Variants in ALDH6A1 observed in about 807,000 individuals in gnomAD.
ALDH6A1 encodes the protein aldehyde dehydrogenase 6 family member A1, also known as methylmalonate-semialdehyde/malonate-semialdehyde dehydrogenase [acylating], mitochondrial.
ALDH6A1 carries 43 observed loss-of-function variants against 62.6 expected under a neutral mutation model. The ratio of observed to expected loss-of-function variants is 0.69; its 90% CI spans 0.54 to 0.89. The LOEUF is 0.89. ALDH6A1 is among the 40% of genes least tolerant of loss of function. The probability of loss-of-function intolerance (pLI) is 0.00; values close to 1 mark genes in which losing one functional copy is unlikely to be tolerated. For synonymous variants in ALDH6A1, 194 were observed against 234.2 expected (o/e 0.83, Z 1.57); for missense variants, 551 against 661.3 (o/e 0.83, Z 1.83).
In ALDH6A1 at chr14:74,084,383, T is replaced by C. The variant is rs754069309; in HGVS notation, c.12A>G (p.Leu4=). 1.2e-5 allele frequency: 20 copies of C among 1,613,388 alleles called. No individual in the cohort carries two copies. Among genetic ancestry groups the C allele is most frequent in the South Asian group, 3.3e-5 (3 of 91,062 alleles). ...GGGCTCGCACTGCCGCCGCCGCCAA[T>C]AGCGCCGCCATGGCTCTCGGCCGCC... MAA[L]LAAAAVRARI... is the part of the protein sequence containing the mutation. Residue 4 remains leucine (L), a synonymous_variant, in exon 1 of 12, where the codon CTA becomes CTG. Transcript: ENST00000553458.
chr14:74,084,268 C>T, intron 1 of ALDH6A1, 79 bp downstream of exon 1: 2 of 1,602,174 alleles, frequency 1.2e-6, no homozygotes, highest in Non-Finnish European at 1.7e-6. Context: ...AAGGTGGTCC[C>T]GCCCGAGGAT....
chr14:74,080,324 A>G (rs928604438), intron 1 of ALDH6A1, among the ~76,000 whole-genome samples: 4 of 151,260 alleles, frequency 2.6e-5, no homozygotes, highest in African/African-American at 9.7e-5. Context: ...ACCTTCCATA[A>G]TAGCTTCCTA....
Position 74,067,468 on chromosome 14 carries a change from C to T in ALDH6A1, c.954G>A (p.Met318Ile). The part of the protein sequence containing the change: ...AAFGAAGQRC[M>I]ALSTAVLVGE... ...CCACAAGGACTGCTGTTGAAAGAGCCATGCAGCGCTGACCAGCAGCTCCAA... is the reference window on the plus strand; with the variant it reads ...CCACAAGGACTGCTGTTGAAAGAGCTATGCAGCGCTGACCAGCAGCTCCAA... Residue 318 changes from methionine to isoleucine, a missense_variant, in exon 8 of 12, where the codon ATG becomes ATA. Met to Ile is a conservative substitution (Grantham distance 10, BLOSUM62 1). Coordinates refer to ENST00000553458, the MANE Select transcript of ALDH6A1 (RefSeq NM_005589.4). 3 of 1,614,192 alleles carry T rather than the reference C, an allele frequency of 1.9e-6. No homozygotes were observed. Among genetic ancestry groups the T allele is most frequent in the Non-Finnish European group, 2.5e-6 (3 of 1,180,046 alleles).
intron 9 of ALDH6A1, 127 bp downstream of exon 9, chr14:74,066,578 T>G: frequency 1.0e-6 from 1 of 998,480 alleles, no homozygotes; most frequent in South Asian, 1.4e-5. Context: ...GATAAAATAA[T>G]TGATCAATCC....
rs1286381783 is a variant in ALDH6A1, at chr14:74,067,391, C to G, written c.1031G>C (p.Arg344Thr). 2.5e-6 allele frequency: 4 copies of G among 1,613,304 alleles called. No homozygotes were observed. Among genetic ancestry groups the G allele is most frequent in the East Asian group, 2.2e-5 (1 of 44,902 alleles). Residue 344 changes from arginine to threonine, a missense_variant, in exon 8 of 12, where the codon AGA (arginine) becomes ACA (threonine). Coordinates refer to ENST00000553458, the MANE Select transcript of ALDH6A1 (RefSeq NM_005589.4). ...PELVEHAKNLRVNAGDQPGAD... is the reference protein window; with the variant it reads ...PELVEHAKNLTVNAGDQPGAD... ...AGGTGATTGATTACCTGCATTGACTCTCAGGTTTTTGGCATGCTCCACCAG... is the reference window on the plus strand; with the variant it reads ...AGGTGATTGATTACCTGCATTGACTGTCAGGTTTTTGGCATGCTCCACCAG...
In ALDH6A1 at chr14:74,067,406, T is replaced by G; in HGVS notation, c.1016A>C (p.His339Pro). The part of the protein sequence containing the change: ...AKKWLPELVE[H>P]AKNLRVNAGD... ...TGCATTGACTCTCAGGTTTTTGGCA[T>G]GCTCCACCAGCTCTGGCAGCCACTT... The change falls in exon 8 of 12, where the codon CAT becomes CCT. Residue 339 changes from histidine (H) to proline (P), a missense_variant. His to Pro is a moderately conservative substitution (Grantham distance 77). Transcript: ENST00000553458. 6.2e-7 allele frequency: 1 copy of G among 1,613,776 alleles called. No individual in the cohort carries two copies. Among genetic ancestry groups the G allele is most frequent in the East Asian group, 2.2e-5 (1 of 44,884 alleles).
intron 1 of ALDH6A1, among the ~76,000 whole-genome samples, chr14:74,080,290 T>A (rs138422480): frequency 6.6e-6 from 1 of 151,980 alleles, no homozygotes. Flanking sequence ...TATCCCAGTC[T>A]ATACCATCAT....
Position 74,060,249 on chromosome 14 carries a change from T to C in ALDH6A1, c.*393A>G, listed in dbSNP as rs1055785914. ...TCCTGGGCTCAAGCAATCTGCCCACTGTGGCCTCCCAAAATGATGGAATTA... is the reference window on the plus strand; with the variant it reads ...TCCTGGGCTCAAGCAATCTGCCCACCGTGGCCTCCCAAAATGATGGAATTA... On this transcript the variant is annotated 3_prime_UTR_variant, in exon 12 of 12. Transcript: ENST00000553458. 7 of 201,776 alleles carry C rather than the reference T, an allele frequency of 3.5e-5. No homozygotes were observed. Among genetic ancestry groups the C allele is most frequent in the African/African-American group, 1.6e-4 (7 of 43,378 alleles). The allele number at this position is 201,776 out of a possible 1,614,324, so 12.5% of individuals were successfully genotyped here. A position where few individuals can be genotyped will look rare whatever the true frequency, so the allele number is the denominator to read the frequency against.
At position 74,084,427 on chromosome 14, in the gene ALDH6A1, C is replaced by G. The variant is rs890834570; in HGVS notation, c.-33G>C. ...GGCCGCCCTAGCTCCGCACCCCGCG[C>G]CTCTACTGCCCAGAAGCACTACAGC... On this transcript the variant is annotated 5_prime_UTR_variant, in exon 1 of 12. Coordinates refer to ENST00000553458, the MANE Select transcript of ALDH6A1 (RefSeq NM_005589.4). The G allele has an allele frequency of 2.5e-6, 4 of 1,610,964 alleles. No individual in the cohort carries two copies. The highest frequency in any genetic ancestry group is 1.7e-5 in the Admixed American group (1 of 59,850).
At chr14:74,073,172 T>C (rs1008380197) in intron 2 of ALDH6A1, among the ~76,000 whole-genome samples, 4 of 152,100 alleles carry the variant, frequency 2.6e-5, no homozygotes, top group African/African-American at 4.8e-5. Context: ...AGTGTGATCA[T>C]GACTCACTGC....
Position 74,057,897 on chromosome 14 carries a change from G to A in ALDH6A1, c.*2745C>T, listed in dbSNP as rs2060253997. The stretch of plus-strand genomic sequence containing the variant: ...TTAGAGCATCACAGTTCTGATTAGT[G>A]TGTTTTTTTAGAAGTGATTTCCCTT... On this transcript the variant is annotated 3_prime_UTR_variant, in exon 12 of 12. Transcript: ENST00000553458. The A allele has an allele frequency of 1.0e-6, 1 of 996,624 alleles. No individual in the cohort carries two copies. Among genetic ancestry groups the A allele is most frequent in the Non-Finnish European group, 1.2e-6 (1 of 836,988 alleles). 61.7% of individuals were successfully genotyped at this position (996,624 alleles called of 1,614,324 possible).
At chr14:74,066,480 T>C (rs1047176294) in intron 9 of ALDH6A1, among the ~76,000 whole-genome samples, 2 of 152,174 alleles carry the variant, frequency 1.3e-5, no homozygotes, top group African/African-American at 2.4e-5. Context: ...GCTGGAAATA[T>C]CTATCCCTTT....
Position 74,059,589 on chromosome 14 carries a change from G to T in ALDH6A1, c.*1053C>A, listed in dbSNP as rs972788233. Reference sequence around the variant, plus strand: ...GCATGCCTGTAATCCCAGCTACTAGGGGGGCTGAGGCAGGAGAATCGCTTG... The same window carrying T: ...GCATGCCTGTAATCCCAGCTACTAGTGGGGCTGAGGCAGGAGAATCGCTTG... On this transcript the variant is annotated 3_prime_UTR_variant, in exon 12 of 12. Transcript: ENST00000553458. 4 of 265,742 alleles carry T rather than the reference G, an allele frequency of 1.5e-5. No individual in the cohort carries two copies. In the Admixed American group the frequency reaches 2.0e-4, roughly 13 times the overall value. 16.5% of individuals were successfully genotyped at this position (265,742 alleles called of 1,614,324 possible). A position where few individuals can be genotyped will look rare whatever the true frequency, so the allele number is the denominator to read the frequency against.
intron 11 of ALDH6A1, 132 bp downstream of exon 11, chr14:74,064,690 A>C: frequency 6.2e-7 from 1 of 1,614,082 alleles, no homozygotes; most frequent in Non-Finnish European, 8.5e-7. Context: ...TTTTTTAGGG[A>C]ACCTTCTGAG....
rs2060301068 is a variant in ALDH6A1, at chr14:74,059,804, A to T, written c.*838T>A. 1 of 155,462 alleles carries T rather than the reference A, an allele frequency of 6.4e-6. No homozygotes were observed. The highest frequency in any genetic ancestry group is 1.4e-5 in the Non-Finnish European group (1 of 70,358). The allele number at this position is 155,462 out of a possible 1,614,324, so 9.6% of individuals were successfully genotyped here. A position where few individuals can be genotyped will look rare whatever the true frequency, so the allele number is the denominator to read the frequency against. Reference sequence around the variant, plus strand: ...TTAGTACTTGGCACATATAACAAAAAGTTGATTTATCCATTGCTTACTGAG... The same window carrying T: ...TTAGTACTTGGCACATATAACAAAATGTTGATTTATCCATTGCTTACTGAG... On this transcript the variant is annotated 3_prime_UTR_variant, in exon 12 of 12. Coordinates refer to ENST00000553458, the MANE Select transcript of ALDH6A1 (RefSeq NM_005589.4).
chr14:74,072,437 G>A, intron 3 of ALDH6A1, 73 bp from the exon 4 acceptor site: 1 of 1,612,934 alleles, frequency 6.2e-7, no homozygotes, highest in Non-Finnish European at 8.5e-7. Flanking sequence ...CACAGAAGTG[G>A]CACTATGTGC....
chr14:74,079,073 G>A (rs940711878), intron 1 of ALDH6A1, among the ~76,000 whole-genome samples: 3 of 151,672 alleles, frequency 2.0e-5, no homozygotes, highest in African/African-American at 7.3e-5. Flanking sequence ...TAACTATCTA[G>A]ATCCTGATGA....
rs529700086 is a variant in ALDH6A1 at position 74,073,188 on chromosome 14, C to G, written c.112-577G>C. Among the ~76,000 whole-genome samples, 3 of 152,142 alleles carry G rather than the reference C, an allele frequency of 2.0e-5. No individual in the cohort carries two copies. The East Asian group carries it at 5.8e-4, about 29-fold the overall frequency. On this transcript the variant is annotated intron_variant, in intron 2 of 11. Coordinates refer to ENST00000553458, the MANE Select transcript of ALDH6A1 (RefSeq NM_005589.4). ...GTGTGATCATGACTCACTGCAGCCTCAACCCCCAGGGCTTAGGTGATTCTC... is the reference window on the plus strand; with the variant it reads ...GTGTGATCATGACTCACTGCAGCCTGAACCCCCAGGGCTTAGGTGATTCTC...
At chr14:74,074,142 G>A (rs926945996) in intron 2 of ALDH6A1, among the ~76,000 whole-genome samples, 9 of 151,362 alleles carry the variant, frequency 5.9e-5, no homozygotes, top group Admixed American at 5.9e-4. Context: ...GCACCACCAC[G>A]CCTGGCTAAT....
Sources: allele counts gnomAD v4.1 joint callset (sites outside exome capture counted in the v4.1 genomes callset), GRCh38; gene constraint gnomAD v4.1.1; transcripts MANE v1.5; gene names NCBI Gene and HGNC (gene_info 2026-07-23, HGNC 2026-07-21).